The following KCNMB3 variants were observed in gnomAD, a reference collection of about 807,000 sequenced individuals.
KCNMB3 encodes potassium calcium-activated channel subfamily M regulatory beta subunit 3.
KCNMB3 carries 18 observed loss-of-function variants against 11.9 expected under a neutral mutation model. The ratio of observed to expected loss-of-function variants is 1.51; its 90% CI spans 1.04 to 2.23. The LOEUF (loss-of-function observed/expected upper bound fraction) is 2.23. Among genes scored for constraint, KCNMB3 ranks in the 30% most tolerant of loss-of-function variants. KCNMB3 has a pLI of 0.00. For synonymous variants in KCNMB3, 78 were observed against 119.2 expected (o/e 0.65, Z 2.25); for missense variants, 247 against 329.4 (o/e 0.75, Z 1.94).
chr3:179,259,295 T>C (rs1479391501), intron 1 of KCNMB3: 4 of 1,552,658 alleles, frequency 2.6e-6, no homozygotes, highest in Non-Finnish European at 3.5e-6. Context: ...CGCTCTCTGG[T>C]TCTTCAGGAT....
At chr3:179,250,527 G>A (rs893048545) in intron 1 of KCNMB3, among the ~76,000 whole-genome samples, 1 of 152,136 alleles carries the variant, frequency 6.6e-6, no homozygotes, top group Non-Finnish European at 1.5e-5. Context: ...ATGGGAGGAG[G>A]CAGTGCAGGG....
upstream of KCNMB3, among the ~76,000 whole-genome samples, chr3:179,256,510 G>A (rs1368410052): frequency 6.6e-6 from 1 of 151,916 alleles, no homozygotes; most frequent in East Asian, 1.9e-4. Flanking sequence ...GTCTTGTGGG[G>A]TTAAAAGAAA....
upstream of KCNMB3, among the ~76,000 whole-genome samples, chr3:179,252,070 A>G (rs558533663): frequency 3.0e-4 from 46 of 152,266 alleles, no homozygotes; most frequent in Middle Eastern, 0.01. Context: ...GACCTTAAAA[A>G]TCATGACATT....
chr3:179,259,795 G>C, intron 1 of KCNMB3: 4 of 1,602,560 alleles, frequency 2.5e-6, no homozygotes, highest in Non-Finnish European at 3.4e-6. Flanking sequence ...TCTTCATCTG[G>C]CTCTTTCATA....
At chr3:179,259,558 G>C in intron 1 of KCNMB3, 1 of 1,609,660 alleles carries the variant, frequency 6.2e-7, no homozygotes, top group Non-Finnish European at 8.5e-7. Context: ...TTCTGTTTTG[G>C]ATTTTCAGTC....
In KCNMB3 at chr3:179,244,540, T is replaced by G; in HGVS notation, c.402A>C (p.Lys134Asn). 1 of 1,614,180 alleles carries G rather than the reference T, an allele frequency of 6.2e-7. No individual in the cohort carries two copies. Among genetic ancestry groups the G allele is most frequent in the East Asian group, 2.2e-5 (1 of 44,880 alleles). Residue 134 changes from lysine to asparagine, a missense_variant, in exon 2 of 3, where the codon AAA (lysine) becomes AAC (asparagine). By Grantham distance (94) the Lys-to-Asn change is moderately conservative. Coordinates refer to ENST00000392685, the MANE Select transcript of KCNMB3 (RefSeq NM_171830.2). Reference sequence around the variant, plus strand: ...CCTCTTCATTATAATGTAGGAGAGCTTTCTGACCTGGATGGCTGAGGTTCA... The same window carrying G: ...CCTCTTCATTATAATGTAGGAGAGCGTTCTGACCTGGATGGCTGAGGTTCA... ...VFVNLSHPGQ[K>N]ALLHYNEEAV...
intron 1 of KCNMB3, among the ~76,000 whole-genome samples, chr3:179,263,591 A>T (rs79595308): frequency 6.6e-6 from 1 of 152,202 alleles, no homozygotes; most frequent in African/African-American, 2.4e-5. Context: ...ACAAATGTCA[A>T]ATGATTCATG....
At chr3:179,254,654 C>T (rs1437147995), upstream of KCNMB3, among the ~76,000 whole-genome samples, 3 of 152,108 alleles carry the variant, frequency 2.0e-5, no homozygotes, top group East Asian at 5.8e-4. Context: ...CTACTAAAAA[C>T]ACAAAAAATT....
chr3:179,258,991 G>A (rs1180783887), intron 1 of KCNMB3: 1 of 1,614,146 alleles, frequency 6.2e-7, no homozygotes, highest in Non-Finnish European at 8.5e-7. Flanking sequence ...CAGACTTCCT[G>A]TGCACCACGC....
chr3:179,259,158 G>A, intron 1 of KCNMB3: 1 of 1,566,588 alleles, frequency 6.4e-7, no homozygotes, highest in Non-Finnish European at 8.6e-7. Context: ...GCTGTCTAAA[G>A]CTTTCCTGAT....
At position 179,259,605 on chromosome 3, in the gene KCNMB3, G is replaced by A. The variant is rs537060218; in HGVS notation, c.62+7044C>T. The A allele has an allele frequency of 9.2e-5, 148 of 1,608,400 alleles. 1 individual carries two copies. The South Asian group carries it at 1.6e-3, about 17-fold the overall frequency. ...GGCTTCCACTGCTGACTTTCTGTCA[G>A]TAGACTTTACCTGCTCTTCTTCCTT... On this transcript the variant is annotated intron_variant, in intron 1 of 3. Transcript: ENST00000349697.
chr3:179,261,227 C>A, intron 1 of KCNMB3: 2 of 1,362,780 alleles, frequency 1.5e-6, no homozygotes, highest in South Asian at 1.5e-5. Flanking sequence ...CGCTTCCGCG[C>A]TCAAACAGTA....
chr3:179,249,454 T>C (rs1413266547), intron 1 of KCNMB3, among the ~76,000 whole-genome samples: 2 of 146,812 alleles, frequency 1.4e-5, no homozygotes, highest in African/African-American at 2.5e-5. Context: ...GGGTCAGGAG[T>C]TCAAAGGTCA....
upstream of KCNMB3, chr3:179,251,237 G>C: frequency 5.9e-6 from 9 of 1,514,704 alleles, no homozygotes; most frequent in Non-Finnish European, 6.2e-6. Context: ...ATGTAAATAA[G>C]TGTTACGAAC....
chr3:179,266,001 G>C (rs989309229), intron 1 of KCNMB3, among the ~76,000 whole-genome samples: 2 of 152,246 alleles, frequency 1.3e-5, no homozygotes, highest in African/African-American at 2.4e-5. Context: ...TAAAAGGCTA[G>C]AGTTTAGGGA....
chr3:179,263,757 T>G (rs1473642080), intron 1 of KCNMB3, among the ~76,000 whole-genome samples: 2 of 150,666 alleles, frequency 1.3e-5, no homozygotes, highest in African/African-American at 2.5e-5. Flanking sequence ...TTAGGTTTTT[T>G]GTTTTTTGTT....
Position 179,250,900 on chromosome 3 carries a change from T to C in KCNMB3, c.91A>G (p.Thr31Ala). 1 of 1,613,968 alleles carries C rather than the reference T, an allele frequency of 6.2e-7. No individual in the cohort carries two copies. The highest frequency in any genetic ancestry group is 8.5e-7 in the Non-Finnish European group (1 of 1,179,926). ...AGTGGGTCTCCATCACTGTAGTCTGTCTCTCTCTTCTTCCCTGAGGCAGGA... is the reference window on the plus strand; with the variant it reads ...AGTGGGTCTCCATCACTGTAGTCTGCCTCTCTCTTCTTCCCTGAGGCAGGA... ...AFPASGKKRE[T>A]DYSDGDPLDV... Residue 31 changes from threonine to alanine, a missense_variant, in exon 1 of 3, where the codon ACA becomes GCA. By Grantham distance (58) the Thr-to-Ala change is moderately conservative (BLOSUM62 0). Transcript: ENST00000392685.
chr3:179,249,267 C>A (rs1036859822), intron 1 of KCNMB3, among the ~76,000 whole-genome samples: 1 of 150,402 alleles, frequency 6.6e-6, no homozygotes. Flanking sequence ...CCCATCTCGG[C>A]CTCCCAAAGT....
At chr3:179,240,385 G>A (rs181034528), downstream of KCNMB3, 2 of 226,550 alleles carry the variant, frequency 8.8e-6, no homozygotes, top group East Asian at 2.2e-4. Flanking sequence ...AGAAATATAT[G>A]TATATACATA....
Sources: gnomAD v4.1 joint callset for allele counts (sites outside exome capture counted in the v4.1 genomes callset) on GRCh38, gnomAD v4.1.1 for gene constraint, MANE v1.5 for transcripts, NCBI Gene and HGNC (gene_info 2026-07-23, HGNC 2026-07-21) for gene names.